Variants in VPS13D observed in about 807,000 individuals in gnomAD.
The protein encoded by VPS13D is vacuolar protein sorting 13 homolog D.
VPS13D carries 187 observed loss-of-function variants against 461.9 expected under a neutral mutation model. The ratio of observed to expected loss-of-function variants is 0.40; its 90% CI spans 0.36 to 0.46. The LOEUF (loss-of-function observed/expected upper bound fraction) is 0.46, where lower values mean the gene tolerates loss of function less well. VPS13D is among the 20% of genes least tolerant of loss of function. VPS13D has a pLI of 0.60. For synonymous variants in VPS13D, 1,951 were observed against 1,986.3 expected, an observed-to-expected ratio of 0.98 and a Z score of 0.47; for missense variants, 4,711 against 5,364.9, an observed-to-expected ratio of 0.88 and a Z score of 3.81.
intron 65 of VPS13D, among the ~76,000 whole-genome samples, chr1:12,443,837 A>C (rs1570181410): frequency 6.8e-6 from 1 of 147,150 alleles, no homozygotes; most frequent in Non-Finnish European, 1.5e-5. Flanking sequence ...GAATTATCTC[A>C]GTTTTGTTTT....
chr1:12,288,261 T>A lies in VPS13D; in HGVS notation c.5673T>A (p.Ser1891Arg), dbSNP rs1344105643. 6.2e-7 allele frequency: 1 copy of A among 1,613,948 alleles called. No homozygotes were observed. Among genetic ancestry groups the A allele is most frequent in the Non-Finnish European group, 8.5e-7 (1 of 1,179,808 alleles). Reference protein sequence around the residue: ...SLSLVLNKTTSELAKANVSKL... With the variant: ...SLSLVLNKTTRELAKANVSKL... ...CTCTAGTGCTGAATAAGACCACCAG[T>A]GAGCTTGCCAAAGCAAATGTGTCCA... Residue 1891 changes from serine (S) to arginine (R), a missense_variant, in exon 22 of 70, where the codon AGT becomes AGA. Coordinates refer to ENST00000620676, the MANE Select transcript of VPS13D (RefSeq NM_015378.4).
intron 63 of VPS13D, among the ~76,000 whole-genome samples, chr1:12,414,199 G>C (rs764651543): frequency 6.6e-6 from 1 of 152,056 alleles, no homozygotes; most frequent in Admixed American, 6.6e-5. Context: ...TGGGAGGATC[G>C]CGTGAGCCCA....
At chr1:12,396,631 G>A (rs1483820512) in intron 60 of VPS13D, among the ~76,000 whole-genome samples, 1 of 152,160 alleles carries the variant, frequency 6.6e-6, no homozygotes, top group Admixed American at 6.5e-5. Flanking sequence ...CTGGGAGTGT[G>A]TGCAATGTGT....
chr1:12,395,684 A>C (rs971480652), intron 60 of VPS13D, among the ~76,000 whole-genome samples: 1 of 152,078 alleles, frequency 6.6e-6, no homozygotes, highest in Non-Finnish European at 1.5e-5. Context: ...TTTTCTACAT[A>C]TGGTCAAAGG....
intron 54 of VPS13D, among the ~76,000 whole-genome samples, chr1:12,371,166 T>C (rs1412984064): frequency 6.6e-6 from 1 of 152,160 alleles, no homozygotes; most frequent in Non-Finnish European, 1.5e-5. Context: ...AGAGCATTTT[T>C]ATCACCCCGA....
chr1:12,426,671 A>G (rs1220032216), intron 65 of VPS13D, among the ~76,000 whole-genome samples: 1 of 152,184 alleles, frequency 6.6e-6, no homozygotes, highest in Non-Finnish European at 1.5e-5. Flanking sequence ...GCTTGAATTA[A>G]GAAGCCAGAG....
At position 12,349,278 on chromosome 1, in the gene VPS13D, C is replaced by T. The variant is rs1476167720; in HGVS notation, c.9335C>T (p.Ala3112Val). The T allele has an allele frequency of 6.2e-7, 1 of 1,614,180 alleles. No homozygotes were observed. The highest frequency in any genetic ancestry group is 1.7e-5 in the Admixed American group (1 of 60,026). The change falls in exon 46 of 70, where the codon GCT becomes GTT. Residue 3112 changes from alanine to valine, a missense_variant. By Grantham distance (64) the Ala-to-Val change is moderately conservative. Around this residue, in one of 3 missense-constraint regions of VPS13D, gnomAD observed 4,411 missense variants for 4,937.8 expected, o/e 0.89. Transcript: ENST00000620676. ...GGATTGGGTGTATTTTTCTGTAAGG[C>T]TCCCATTCATTGGACCAATGTAGTG... Reference protein sequence around the residue: ...PKGLGVFFCKAPIHWTNVVKT... With the variant: ...PKGLGVFFCKVPIHWTNVVKT...
intron 29 of VPS13D, among the ~76,000 whole-genome samples, chr1:12,313,526 C>T (rs914970591): frequency 6.6e-6 from 1 of 151,878 alleles, no homozygotes; most frequent in Non-Finnish European, 1.5e-5. Flanking sequence ...TGGAATAATT[C>T]TGTATGTATT....
chr1:12,422,413 CCAGCTCAAATTCTG>C (rs1644875746), intron 65 of VPS13D, among the ~76,000 whole-genome samples: 1 of 152,220 alleles, frequency 6.6e-6, no homozygotes, highest in East Asian at 1.9e-4. Context: ...CCCAAATTTC[CCAGCTCAAATTCTG>C]CAGATCAAAT....
chr1:12,254,081 A>G (rs1640830399), intron 7 of VPS13D, among the ~76,000 whole-genome samples: 1 of 152,242 alleles, frequency 6.6e-6, no homozygotes, highest in African/African-American at 2.4e-5. Flanking sequence ...TATTTTATTC[A>G]GTGAAAGCTA....
intron 64 of VPS13D, among the ~76,000 whole-genome samples, chr1:12,415,425 A>C (rs1008030283): frequency 6.6e-6 from 1 of 152,168 alleles, no homozygotes; most frequent in Non-Finnish European, 1.5e-5. Context: ...ATGAGCTGTT[A>C]GTTTCATCCC....
intron 60 of VPS13D, among the ~76,000 whole-genome samples, chr1:12,390,571 G>A (rs372601683): frequency 1.3e-5 from 2 of 152,292 alleles, no homozygotes; most frequent in African/African-American, 4.8e-5. Context: ...TTGCATGCAG[G>A]ATAGGCAAAC....
intron 63 of VPS13D, among the ~76,000 whole-genome samples, chr1:12,404,406 A>G (rs1557759781): frequency 6.6e-6 from 1 of 152,142 alleles, no homozygotes; most frequent in African/African-American, 2.4e-5. Flanking sequence ...CTTCCTAAGT[A>G]TCCACCTCTT....
intron 57 of VPS13D, among the ~76,000 whole-genome samples, chr1:12,382,333 C>T (rs774580228): frequency 6.6e-6 from 1 of 152,114 alleles, no homozygotes; most frequent in Non-Finnish European, 1.5e-5. Flanking sequence ...AACTCCTGAC[C>T]TCAGATGATT....
rs1642751883 is a variant in VPS13D at position 12,311,623 on chromosome 1, C to G, written c.6820C>G (p.His2274Asp). Residue 2274 changes from histidine (H) to aspartate (D), a missense_variant and splice_region_variant, in exon 28 of 70, where the codon CAT becomes GAT. Physicochemically the swap from His to Asp is moderately conservative, Grantham distance 81 (BLOSUM62 -1). Coordinates refer to ENST00000620676, the MANE Select transcript of VPS13D (RefSeq NM_015378.4). Reference protein sequence around the residue: ...RPYDLQDPRIHTVLSGEVYTC... With the variant: ...RPYDLQDPRIDTVLSGEVYTC... ...TTATGATTTACAAGATCCAAGAATT[C>G]ATGTGAGTGAGACCTTATGTTCTTC... 4 of 1,613,912 alleles carry G rather than the reference C, an allele frequency of 2.5e-6. No homozygotes were observed. In the African/African-American group the frequency reaches 5.3e-5, roughly 22 times the overall value.
chr1:12,396,932 T>A (rs1283539414), intron 60 of VPS13D, among the ~76,000 whole-genome samples: 2 of 152,170 alleles, frequency 1.3e-5, no homozygotes, highest in Non-Finnish European at 2.9e-5. Context: ...TGTTTGTTTG[T>A]TTATTTGTTT....
chr1:12,359,470 G>C (rs1383994200), intron 50 of VPS13D, among the ~76,000 whole-genome samples: 1 of 152,110 alleles, frequency 6.6e-6, no homozygotes, highest in Non-Finnish European at 1.5e-5. Flanking sequence ...GAGAAGTAAG[G>C]CAAGTATGGC....
At position 12,323,331 on chromosome 1, in the gene VPS13D, C is replaced by G. The variant is rs138992609; in HGVS notation, c.7916-375C>G. Among the ~76,000 whole-genome samples, 161 of 152,212 alleles carry G rather than the reference C, an allele frequency of 1.1e-3. 1 individual carries two copies. The highest frequency in any genetic ancestry group is 3.7e-3 in the African/African-American group (153 of 41,520). ...TCTCGAGTAGTCCCCCTGCCTTAGC[C>G]TCCCAAAGTATTGGGATTACTGGTG... On this transcript the variant is annotated intron_variant, in intron 34 of 69. Transcript: ENST00000620676.
Position 12,485,939 on chromosome 1 carries a change from C to T in VPS13D, c.12663-11561C>T, listed in dbSNP as rs1037684122. On this transcript the variant is annotated intron_variant, in intron 67 of 69. Transcript: ENST00000620676. The stretch of plus-strand genomic sequence containing the variant: ...GAAGGGTACCACCAAGCTGCCAGCT[C>T]GTGTCCTGCCTCCTTCCTGTCCACA... 3.9e-5 allele frequency among the ~76,000 whole-genome samples: 6 copies of T among 152,302 alleles called. No individual in the cohort carries two copies. The South Asian group carries it at 8.3e-4, about 21-fold the overall frequency.
Sources: allele counts gnomAD v4.1 joint callset (sites outside exome capture counted in the v4.1 genomes callset), GRCh38; gene constraint gnomAD v4.1.1; regional missense constraint gnomAD v4.1.1; transcripts MANE v1.5; gene names NCBI Gene and HGNC (gene_info 2026-07-23, HGNC 2026-07-21).